Variants in GFRA3 observed in about 807,000 individuals in gnomAD.
GFRA3 encodes GDNF family receptor alpha 3.
In GFRA3, 24 loss-of-function variants were observed where a neutral mutation model predicts 40.0. The ratio of observed to expected loss-of-function variants is 0.60; its 90% CI spans 0.43 to 0.84. The LOEUF (loss-of-function observed/expected upper bound fraction) is 0.84. Among genes scored for constraint, GFRA3 ranks in the 40% least tolerant of loss-of-function variants. The pLI is 0.00. For missense variants in GFRA3, 405 were observed against 530.6 expected, an observed-to-expected ratio of 0.76 and a Z score of 2.33; for synonymous variants, 203 against 213.5, an observed-to-expected ratio of 0.95 and a Z score of 0.43.
In GFRA3 at chr5:138,274,412, G is replaced by T. The variant is rs1464000852; in HGVS notation, c.13C>A (p.Leu5Met). The change falls in exon 1 of 8, where the codon CTG becomes ATG. Residue 5 changes from leucine (L) to methionine (M), a missense_variant. Coordinates refer to ENST00000274721, the MANE Select transcript of GFRA3 (RefSeq NM_001496.4). ...ACGGGCGGCAGCGGTCGCGGGTTCAGGGGGCGCACCATGGCGAGCTGTAGG... is the reference window on the plus strand; with the variant it reads ...ACGGGCGGCAGCGGTCGCGGGTTCATGGGGCGCACCATGGCGAGCTGTAGG... MVRP[L>M]NPRPLPPVVL... 1.5e-6 allele frequency: 2 copies of T among 1,312,222 alleles called. No homozygotes were observed. The highest frequency in any genetic ancestry group is 2.0e-6 in the Non-Finnish European group (2 of 1,025,398). The allele number at this position is 1,312,222 out of a possible 1,614,324, so 81.3% of individuals were successfully genotyped here.
At chr5:138,266,318 C>T (rs1295115159) in intron 1 of GFRA3, among the ~76,000 whole-genome samples, 1 of 152,116 alleles carries the variant, frequency 6.6e-6, no homozygotes, top group African/African-American at 2.4e-5. Flanking sequence ...AGTTTCTATA[C>T]ATACTGCCAA....
intron 1 of GFRA3, among the ~76,000 whole-genome samples, chr5:138,270,205 CAAA>C (rs34014240): frequency 4.1e-5 from 3 of 72,472 alleles, no homozygotes; most frequent in Non-Finnish European, 5.0e-5. Context: ...ACTAAAAATA[CAAA>C]AAAAAAAAAA....
chr5:138,257,611 G>T, intron 4 of GFRA3, 28 bp downstream of exon 4: 2 of 1,580,512 alleles, frequency 1.3e-6, no homozygotes, highest in South Asian at 1.1e-5. Context: ...CCTCATCCCT[G>T]CCCACCCTGT....
intron 2 of GFRA3, among the ~76,000 whole-genome samples, chr5:138,261,772 CAT>C (rs1755715343): frequency 7.9e-6 from 1 of 127,054 alleles, no homozygotes; most frequent in East Asian, 2.5e-4. Context: ...AAAGATAAAA[CAT>C]AAAAAAAAAT....
intron 4 of GFRA3, 42 bp from the exon 5 acceptor site, chr5:138,254,202 T>G (rs78661573): frequency 8.6e-7 from 1 of 1,159,356 alleles, no homozygotes; most frequent in Non-Finnish European, 1.3e-6. Flanking sequence ...TTTTTTTTTT[T>G]TGAGATGATG....
At chr5:138,258,058 A>G in intron 3 of GFRA3, 107 bp from the exon 4 acceptor site, 2 of 860,674 alleles carry the variant, frequency 2.3e-6, no homozygotes, top group South Asian at 2.8e-5. Flanking sequence ...GGTAGTGGAT[A>G]TAGGAGGAAA....
intron 3 of GFRA3, among the ~76,000 whole-genome samples, chr5:138,258,728 T>G (rs1755670963): frequency 6.6e-6 from 1 of 152,180 alleles, no homozygotes; most frequent in Non-Finnish European, 1.5e-5. Context: ...TCTGGTTTGG[T>G]TTTGGCTTCG....
intron 6 of GFRA3, 98 bp downstream of exon 6, chr5:138,253,668 T>C: frequency 2.6e-6 from 3 of 1,134,660 alleles, no homozygotes; most frequent in Admixed American, 2.1e-5. Context: ...TTGGTGGAGA[T>C]GGATGGAACC....
chr5:138,254,875 G>T (rs902742787), intron 4 of GFRA3, among the ~76,000 whole-genome samples: 4 of 151,798 alleles, frequency 2.6e-5, no homozygotes, highest in Non-Finnish European at 5.9e-5. Context: ...GGGAGAATCA[G>T]TTGAGCTCAG....
intron 1 of GFRA3, among the ~76,000 whole-genome samples, chr5:138,271,367 C>G (rs1755866696): frequency 6.6e-6 from 1 of 152,122 alleles, no homozygotes; most frequent in South Asian, 2.1e-4. Context: ...TGACACTTTA[C>G]CAAGTTTGAG....
intron 3 of GFRA3, among the ~76,000 whole-genome samples, chr5:138,259,308 TG>T (rs1755679675): frequency 6.6e-6 from 1 of 152,218 alleles, no homozygotes. Flanking sequence ...GGGCTCGCCT[TG>T]TGGAAACAGG....
rs66792829 is a variant in GFRA3, at chr5:138,258,166, CTTTTTTTTTTTTTTTTT to C, written c.473-232_473-216del. On this transcript the variant is annotated intron_variant, in intron 3 of 7. Transcript: ENST00000274721. ...TTGAAGCCTTCCCCACCCTACTCCT[CTTTTTTTTTTTTTTTTT>C]TTTTTTTTTTTTTTGAGACGGAGTT... 4.1e-4 allele frequency among the ~76,000 whole-genome samples: 21 copies of C among 51,656 alleles called. 1 individual carries two copies. The highest frequency in any genetic ancestry group is 3.9e-3 in the Admixed American group (15 of 3,798). 33.9% of individuals were successfully genotyped at this position (51,656 alleles called of 152,430 possible).
At chr5:138,264,212 C>T in intron 2 of GFRA3, 49 bp downstream of exon 2, 1 of 1,445,788 alleles carries the variant, frequency 6.9e-7, no homozygotes, top group Non-Finnish European at 9.4e-7. Flanking sequence ...AAAACAACCC[C>T]CAAGAGCCAT....
intron 1 of GFRA3, chr5:138,267,674 T>C (rs1314214031): frequency 5.3e-6 from 1 of 187,366 alleles, no homozygotes; most frequent in East Asian, 1.2e-4. Context: ...ATCTTGGATG[T>C]TGGCTTTTAC....
In GFRA3 at chr5:138,252,485, G is replaced by A. The variant is rs1363872946; in HGVS notation, c.*483C>T. On this transcript the variant is annotated 3_prime_UTR_variant, in exon 8 of 8. Coordinates refer to ENST00000274721, the MANE Select transcript of GFRA3 (RefSeq NM_001496.4). ...TCCAGCTCCTGATGCCCAGATGTTC[G>A]GCAGGATCCGGGGACAGGGCAGTGC... 5 of 154,130 alleles carry A rather than the reference G, an allele frequency of 3.2e-5. No homozygotes were observed. The highest frequency in any genetic ancestry group is 2.6e-4 in the Admixed American group (4 of 15,502). The allele number at this position is 154,130 out of a possible 1,614,324, so 9.5% of individuals were successfully genotyped here.
At position 138,253,312 on chromosome 5, in the gene GFRA3, G is replaced by A; in HGVS notation, c.1088C>T (p.Pro363Leu). Residue 363 changes from proline (P) to leucine (L), a missense_variant, in exon 7 of 8, where the codon CCT becomes CTT. Physicochemically the swap from Pro to Leu is moderately conservative, Grantham distance 98 (BLOSUM62 -3). Transcript: ENST00000274721. ...CTGGTGTGCCATCACAGCAAAGGTAGGGTGTGGCCAGTCCTGGGAGAAGAG... is the reference window on the plus strand; with the variant it reads ...CTGGTGTGCCATCACAGCAAAGGTAAGGTGTGGCCAGTCCTGGGAGAAGAG... Reference protein sequence around the residue: ...SQLFSQDWPHPTFAVMAHQNE... With the variant: ...SQLFSQDWPHLTFAVMAHQNE... 2 of 1,601,170 alleles carry A rather than the reference G, an allele frequency of 1.2e-6. No homozygotes were observed. Among genetic ancestry groups the A allele is most frequent in the Non-Finnish European group, 1.7e-6 (2 of 1,172,960 alleles).
At chr5:138,270,827 A>G (rs191631659) in intron 1 of GFRA3, among the ~76,000 whole-genome samples, 1 of 152,308 alleles carries the variant, frequency 6.6e-6, no homozygotes, top group Admixed American at 6.5e-5. Context: ...AAAAGTATTT[A>G]AGGAAGGTAT....
At chr5:138,253,723 C>A in intron 6 of GFRA3, 43 bp downstream of exon 6, 1 of 1,591,060 alleles carries the variant, frequency 6.3e-7, no homozygotes, top group Non-Finnish European at 8.6e-7. Context: ...TTGAGTCCAG[C>A]TGACTCAGCC....
rs910610732 is a variant in GFRA3 at position 138,272,326 on chromosome 5, A to C, written c.91+2008T>G. ...CAGCCAGTATTTTCTTAAAGTTGTA[A>C]TTAGTGGCCAACATTTAAAAATCAG... is the stretch of plus-strand genomic sequence containing the variant. On this transcript the variant is annotated intron_variant, in intron 1 of 7. Transcript: ENST00000274721. 2.0e-5 allele frequency among the ~76,000 whole-genome samples: 3 copies of C among 150,898 alleles called. No individual in the cohort carries two copies. The Admixed American group carries it at 2.0e-4, about 10-fold the overall frequency.
Sources: allele counts gnomAD v4.1 joint callset (sites outside exome capture counted in the v4.1 genomes callset), GRCh38; gene constraint gnomAD v4.1.1; transcripts MANE v1.5; gene names NCBI Gene and HGNC (gene_info 2026-07-23, HGNC 2026-07-21).